SEC61A2: variants seen among roughly 807,000 people sequenced by gnomAD.
The protein encoded by SEC61A2 is SEC61 translocon subunit alpha 2, also known as protein transport protein Sec61 subunit alpha isoform 2.
A neutral mutation model predicts 59.9 loss-of-function variants in SEC61A2; 28 were observed. That is an observed-to-expected ratio of 0.47 (90% CI 0.35 to 0.64). The LOEUF is 0.64. SEC61A2 is among the 30% of genes least tolerant of loss of function. SEC61A2 has a pLI of 0.01. For missense variants in SEC61A2, 340 were observed against 585.9 expected, an observed-to-expected ratio of 0.58 and a Z score of 4.33; for synonymous variants, 202 against 214.4, an observed-to-expected ratio of 0.94 and a Z score of 0.50.
Position 12,149,521 on chromosome 10 carries a change from GGA to G in SEC61A2, c.221-72_221-71del, listed in dbSNP as rs1834227297. 1 of 1,389,074 alleles carries G rather than the reference GGA, an allele frequency of 7.2e-7. No homozygotes were observed. Among genetic ancestry groups the G allele is most frequent in the South Asian group, 1.5e-5 (1 of 67,494 alleles). The allele number at this position is 1,389,074 out of a possible 1,614,324, so 86.0% of individuals were successfully genotyped here. ...CGTGTGTTTCAGTTGAGGTAATTAGGGAGTGCGACACCTCTAAATCAGTTTGT... is the reference window on the plus strand; with the variant it reads ...CGTGTGTTTCAGTTGAGGTAATTAGGGTGCGACACCTCTAAATCAGTTTGT... On this transcript the variant is annotated intron_variant, in intron 4 of 11. Transcript: ENST00000298428. The surrounding 1 kb of genome is among the most constrained non-coding windows in gnomAD (Gnocchi z 5.2).
Position 12,156,067 on chromosome 10 carries a change from C to T in SEC61A2, c.616+136C>T. On this transcript the variant is annotated intron_variant, in intron 7 of 11. Coordinates refer to ENST00000298428, the MANE Select transcript of SEC61A2 (RefSeq NM_018144.4). The surrounding 1 kb of genome is among the most constrained non-coding windows in gnomAD (Gnocchi z 5.2). Reference sequence around the variant, plus strand: ...GATAAGGAATGCGAATTCTTCAAAACTTAATGAGCAGAGATTTGTGGAGTA... The same window carrying T: ...GATAAGGAATGCGAATTCTTCAAAATTTAATGAGCAGAGATTTGTGGAGTA... 1 of 829,528 alleles carries T rather than the reference C, an allele frequency of 1.2e-6. No homozygotes were observed. The highest frequency in any genetic ancestry group is 3.7e-4 in the Middle Eastern group (1 of 2,730). The allele number at this position is 829,528 out of a possible 1,614,324, so 51.4% of individuals were successfully genotyped here. A position where few individuals can be genotyped will look rare whatever the true frequency, so the allele number is the denominator to read the frequency against.
downstream of SEC61A2, chr10:12,166,492 G>T (rs925951831): frequency 1.1e-5 from 3 of 284,598 alleles, no homozygotes; most frequent in Non-Finnish European, 2.1e-5. Context: ...CCAGTGTAAA[G>T]ATCTTACAGT....
chr10:12,156,911 T>G lies in SEC61A2; in HGVS notation c.621T>G (p.Thr207=). ...SPTTINTGRG[T]EFEGAVIALF... ...GTGTCTGTCTTGATTTTACAGGTAC[T>G]GAGTTTGAGGGTGCAGTCATAGCTC... is the stretch of plus-strand genomic sequence containing the variant. Residue 207 remains threonine, a synonymous_variant, in exon 8 of 12, where the codon ACT becomes ACG. Transcript: ENST00000298428. The surrounding 1 kb of genome is among the most constrained non-coding windows in gnomAD (Gnocchi z 5.2). 1 of 1,613,618 alleles carries G rather than the reference T, an allele frequency of 6.2e-7. No individual in the cohort carries two copies. Among genetic ancestry groups the G allele is most frequent in the Admixed American group, 1.7e-5 (1 of 59,844 alleles).
At chr10:12,132,035 G>A (rs1816098949) in intron 1 of SEC61A2, among the ~76,000 whole-genome samples, 1 of 144,358 alleles carries the variant, frequency 6.9e-6, no homozygotes, top group South Asian at 2.5e-4. Context: ...GCTGGGTACT[G>A]CTCACGCCTG....
rs12777445 is a variant in SEC61A2 at position 12,145,122 on chromosome 10, T to C, written c.220+1927T>C. On this transcript the variant is annotated intron_variant, in intron 4 of 11. Transcript: ENST00000298428. The surrounding 1 kb of genome is among the most constrained non-coding windows in gnomAD (Gnocchi z 4.4). Reference sequence around the variant, plus strand: ...AAGAAGAGGGAGGAGTGATGGGACCTGATGTTGCAGATGTATCTAAGTCAG... The same window carrying C: ...AAGAAGAGGGAGGAGTGATGGGACCCGATGTTGCAGATGTATCTAAGTCAG... 0.35 allele frequency among the ~76,000 whole-genome samples: 52,957 copies of C among 151,790 alleles called. 9,700 individuals carry two copies. Among genetic ancestry groups the C allele is most frequent in the East Asian group, 0.42 (2,161 of 5,152 alleles).
At position 12,161,428 on chromosome 10, in the gene SEC61A2, CA is replaced by C. The variant is rs759577037; in HGVS notation, c.1167+308del. Among the ~76,000 whole-genome samples the C allele has an allele frequency of 3.5e-4, 53 of 151,722 alleles. No homozygotes were observed. Among genetic ancestry groups the C allele is most frequent in the Non-Finnish European group, 4.4e-4 (30 of 67,904 alleles). Reference sequence around the variant, plus strand: ...CACCACTGCACTCCAGCCTGGGTGACAGAGCGAGATCCTGTCTCAAAAAAAT... The same window carrying C: ...CACCACTGCACTCCAGCCTGGGTGACGAGCGAGATCCTGTCTCAAAAAAAT... On this transcript the variant is annotated intron_variant, in intron 10 of 11. Coordinates refer to ENST00000298428, the MANE Select transcript of SEC61A2 (RefSeq NM_018144.4). The surrounding 1 kb of genome is among the most constrained non-coding windows in gnomAD (Gnocchi z 5.4).
Position 12,154,498 on chromosome 10 carries a change from G to A in SEC61A2, c.463-1280G>A, listed in dbSNP as rs908448814. Reference sequence around the variant, plus strand: ...AGGATGGGTTTCTCTATGATGGGGAGTCTCTGTTCACTAATTACATGATTG... The same window carrying A: ...AGGATGGGTTTCTCTATGATGGGGAATCTCTGTTCACTAATTACATGATTG... On this transcript the variant is annotated intron_variant, in intron 6 of 11. Coordinates refer to ENST00000298428, the MANE Select transcript of SEC61A2 (RefSeq NM_018144.4). This position sits in a 1 kb window ranked among gnomAD's most constrained non-coding sequence, Gnocchi z 5.2. Among the ~76,000 whole-genome samples, 2 of 152,180 alleles carry A rather than the reference G, an allele frequency of 1.3e-5. No individual in the cohort carries two copies. The highest frequency in any genetic ancestry group is 4.8e-5 in the African/African-American group (2 of 41,430).
In SEC61A2 at chr10:12,153,762, G is replaced by C; in HGVS notation, c.463-2016G>C. ...GGCGTTACTAACATTGAAAATATGT[G>C]GATACACTGAAGAGCTATGATTGGA... On this transcript the variant is annotated intron_variant, in intron 6 of 11. Coordinates refer to ENST00000298428, the MANE Select transcript of SEC61A2 (RefSeq NM_018144.4). The surrounding 1 kb of genome is among the most constrained non-coding windows in gnomAD (Gnocchi z 5.2). 1.2e-6 allele frequency: 2 copies of C among 1,610,626 alleles called. No individual in the cohort carries two copies. Among genetic ancestry groups the C allele is most frequent in the South Asian group, 1.1e-5 (1 of 90,574 alleles).
chr10:12,168,259 C>T (rs1331621651), downstream of SEC61A2, among the ~76,000 whole-genome samples: 5 of 152,110 alleles, frequency 3.3e-5, no homozygotes, highest in Non-Finnish European at 5.9e-5. The surrounding 1 kb of genome is among the most constrained non-coding windows in gnomAD (Gnocchi z 4.8). Context: ...CTCCTGACCT[C>T]GTGATCCACC....
rs1466186025 is a variant in SEC61A2 at position 12,161,830 on chromosome 10, C to G, written c.1168-383C>G. 6.6e-6 allele frequency among the ~76,000 whole-genome samples: 1 copy of G among 152,144 alleles called. No individual in the cohort carries two copies. The highest frequency in any genetic ancestry group is 2.4e-5 in the African/African-American group (1 of 41,444). On this transcript the variant is annotated intron_variant, in intron 10 of 11. Coordinates refer to ENST00000298428, the MANE Select transcript of SEC61A2 (RefSeq NM_018144.4). The surrounding 1 kb of genome is among the most constrained non-coding windows in gnomAD (Gnocchi z 5.4). ...GAAAATTCATATTTAATTGTCAAAA[C>G]AGTAGTGGATACACTCCTTTATAAC...
chr10:12,157,934 G>T lies in SEC61A2; in HGVS notation c.804G>T (p.Lys268Asn). The T allele has an allele frequency of 6.2e-7, 1 of 1,614,020 alleles. No individual in the cohort carries two copies. Among genetic ancestry groups the T allele is most frequent in the Non-Finnish European group, 8.5e-7 (1 of 1,180,012 alleles). ...GATTTCGCGTTGATCTGCCCATTAA[G>T]TCGGCCCGTTACCGAGGACAGTACA... is the stretch of plus-strand genomic sequence containing the variant. ...FQGFRVDLPIKSARYRGQYSS... is the reference protein window; with the variant it reads ...FQGFRVDLPINSARYRGQYSS... Residue 268 changes from lysine (K) to asparagine (N), a missense_variant, in exon 9 of 12, where the codon AAG becomes AAT. Physicochemically the swap from Lys to Asn is moderately conservative, Grantham distance 94. Coordinates refer to ENST00000298428, the MANE Select transcript of SEC61A2 (RefSeq NM_018144.4).
intron 9 of SEC61A2, among the ~76,000 whole-genome samples, chr10:12,159,383 T>A (rs1834480091): frequency 2.0e-5 from 3 of 152,172 alleles, no homozygotes; most frequent in African/African-American, 7.2e-5. Flanking sequence ...AGGGGTATTT[T>A]CCCTCTTAAA....
chr10:12,152,138 C>G lies in SEC61A2; in HGVS notation c.462+2177C>G, dbSNP rs575607819. On this transcript the variant is annotated intron_variant, in intron 6 of 11. Transcript: ENST00000298428. This position sits in a 1 kb window ranked among gnomAD's most constrained non-coding sequence, Gnocchi z 5.5. ...CTGCTCTGTCTCCCAGACTAAAGTG[C>G]AGTGGTGCAATCTTGGCTCACTGCA... Among the ~76,000 whole-genome samples the G allele has an allele frequency of 6.7e-6, 1 of 150,054 alleles. No individual in the cohort carries two copies. The highest frequency in any genetic ancestry group is 2.1e-4 in the South Asian group (1 of 4,752).
At chr10:12,140,447 T>A (rs7080938) in intron 3 of SEC61A2, among the ~76,000 whole-genome samples, 1 of 152,024 alleles carries the variant, frequency 6.6e-6, no homozygotes, top group Non-Finnish European at 1.5e-5. Context: ...ATTTACTAAG[T>A]GAAATAAAAT....
intron 6 of SEC61A2, among the ~76,000 whole-genome samples, chr10:12,150,440 T>G (rs897621994): frequency 2.0e-5 from 3 of 152,250 alleles, no homozygotes; most frequent in African/African-American, 7.2e-5. Context: ...GTTCAATCGC[T>G]GTCTAAAGGT....
Position 12,149,946 on chromosome 10 carries a change from C to T in SEC61A2, c.447C>T (p.Leu149=). The T allele has an allele frequency of 1.2e-6, 2 of 1,608,092 alleles. No homozygotes were observed. The highest frequency in any genetic ancestry group is 1.7e-6 in the Non-Finnish European group (2 of 1,174,530). ...CAGAAATGGGTGCCGGAATCTGTCTCCTGATCATCATTCAGGTAAGAAATC... is the reference window on the plus strand; with the variant it reads ...CAGAAATGGGTGCCGGAATCTGTCTTCTGATCATCATTCAGGTAAGAAATC... ...DPAEMGAGIC[L]LIIIQLFVAG... is the part of the protein sequence containing the mutation. The change falls in exon 6 of 12, where the codon CTC becomes CTT. Residue 149 remains leucine, a synonymous_variant. Transcript: ENST00000298428. This position sits in a 1 kb window ranked among gnomAD's most constrained non-coding sequence, Gnocchi z 5.2.
Position 12,162,323 on chromosome 10 carries a change from GTGTT to G in SEC61A2, c.1244+38_1244+41del, listed in dbSNP as rs750782327. On this transcript the variant is annotated intron_variant, in intron 11 of 11. Coordinates refer to ENST00000298428, the MANE Select transcript of SEC61A2 (RefSeq NM_018144.4). This position sits in a 1 kb window ranked among gnomAD's most constrained non-coding sequence, Gnocchi z 6.1. ...GCTAGACTGACACCTTTATAGGCCT[GTGTT>G]TGTGTTTCAGTCTTTCAGTGTTGGC... The G allele has an allele frequency of 1.3e-6, 2 of 1,520,210 alleles. No homozygotes were observed. Among genetic ancestry groups the G allele is most frequent in the Non-Finnish European group, 1.8e-6 (2 of 1,094,966 alleles). 94.2% of individuals were successfully genotyped at this position (1,520,210 alleles called of 1,614,324 possible).
At chr10:12,139,630 A>G (rs2131652119) in intron 3 of SEC61A2, among the ~76,000 whole-genome samples, 1 of 152,068 alleles carries the variant, frequency 6.6e-6, no homozygotes, top group African/African-American at 2.4e-5. Flanking sequence ...TAAAAATAGA[A>G]AAAATTAGGC....
chr10:12,134,321 G>A (rs190731800), intron 2 of SEC61A2, among the ~76,000 whole-genome samples: 160 of 145,858 alleles, frequency 1.1e-3, no homozygotes, highest in African/African-American at 3.9e-3. Flanking sequence ...GTATTTTATT[G>A]CTTTGAGATT....
Sources: allele counts gnomAD v4.1 joint callset (sites outside exome capture counted in the v4.1 genomes callset), GRCh38; gene constraint gnomAD v4.1.1; non-coding constraint Gnocchi (gnomAD v3.1); transcripts MANE v1.5; gene names NCBI Gene and HGNC (gene_info 2026-07-23, HGNC 2026-07-21).